The following DLG2 variants were observed in gnomAD, a reference collection of about 807,000 sequenced individuals.
The protein encoded by DLG2 is disks large homolog 2.
A neutral mutation model predicts 132.5 loss-of-function variants in DLG2; 45 were observed. The ratio of observed to expected loss-of-function variants is 0.34; its 90% CI spans 0.27 to 0.44. The LOEUF is 0.44. DLG2 is among the 20% of genes least tolerant of loss of function. The probability of loss-of-function intolerance (pLI) is 1.00; values close to 1 mark genes in which losing one functional copy is unlikely to be tolerated. For missense variants in DLG2, 1,045 were observed against 1,196.9 expected, an observed-to-expected ratio of 0.87 and a Z score of 1.87; for synonymous variants, 424 against 419.6, an observed-to-expected ratio of 1.01 and a Z score of -0.13.
intron 9 of DLG2, among the ~76,000 whole-genome samples, chr11:84,127,817 C>T (rs1362683783): frequency 1.3e-5 from 2 of 152,076 alleles, no homozygotes; most frequent in Non-Finnish European, 2.9e-5. Context: ...AAGAAACAGT[C>T]CTTATTGGAT....
At chr11:84,286,350 A>AG in intron 7 of DLG2, among the ~76,000 whole-genome samples, 1 of 152,222 alleles carries the variant, frequency 6.6e-6, no homozygotes, top group East Asian at 1.9e-4. Flanking sequence ...TAGGAGTGCA[A>AG]GGGGGTAAAA....
chr11:85,314,968 A>G (rs1287639898), intron 3 of DLG2, among the ~76,000 whole-genome samples: 1 of 151,928 alleles, frequency 6.6e-6, no homozygotes, highest in East Asian at 1.9e-4. Flanking sequence ...GCTCTGTGTC[A>G]TTTCATCTAA....
At chr11:83,516,090 C>A (rs568533576) in intron 21 of DLG2, among the ~76,000 whole-genome samples, 13 of 152,282 alleles carry the variant, frequency 8.5e-5, no homozygotes, top group Non-Finnish European at 1.8e-4. Context: ...TGTTAATTTT[C>A]TGTCCCTTTG....
chr11:85,143,430 CTT>C (rs2076629956), intron 5 of DLG2, among the ~76,000 whole-genome samples: 1 of 151,588 alleles, frequency 6.6e-6, no homozygotes, highest in Admixed American at 6.6e-5. Context: ...TGTCTTCTCT[CTT>C]TTGTTCTCAG....
intron 7 of DLG2, among the ~76,000 whole-genome samples, chr11:84,376,440 T>C (rs1381975037): frequency 2.0e-5 from 3 of 151,870 alleles, no homozygotes; most frequent in African/African-American, 7.2e-5. Flanking sequence ...TTAAAAATAA[T>C]GACATCACTA....
intron 9 of DLG2, among the ~76,000 whole-genome samples, chr11:84,159,683 T>G (rs979829109): frequency 3.3e-5 from 5 of 152,182 alleles, no homozygotes; most frequent in African/African-American, 4.8e-5. Flanking sequence ...ATAAGTGGTA[T>G]GATCTGGCTT....
chr11:83,847,980 T>C (rs1340226334), intron 16 of DLG2, among the ~76,000 whole-genome samples: 1 of 152,196 alleles, frequency 6.6e-6, no homozygotes, highest in Non-Finnish European at 1.5e-5. Flanking sequence ...TAGTAAGCAC[T>C]TGAAGTGTGG....
chr11:85,541,561 A>T (rs1284114794), intron 3 of DLG2, among the ~76,000 whole-genome samples: 1 of 151,784 alleles, frequency 6.6e-6, no homozygotes, highest in Admixed American at 6.6e-5. Flanking sequence ...AATGACTTAG[A>T]AAACATCTCC....
At chr11:84,009,907 G>T (rs889717066) in intron 11 of DLG2, among the ~76,000 whole-genome samples, 2 of 151,918 alleles carry the variant, frequency 1.3e-5, no homozygotes. Context: ...TTTTCTTAAG[G>T]TCAATGATTT....
At chr11:84,940,541 T>G (rs1356500159) in intron 6 of DLG2, among the ~76,000 whole-genome samples, 1 of 152,254 alleles carries the variant, frequency 6.6e-6, no homozygotes, top group Non-Finnish European at 1.5e-5. Context: ...AAATGTGTAT[T>G]GAGATCTTTT....
At chr11:84,806,482 C>A (rs2076016337) in intron 6 of DLG2, among the ~76,000 whole-genome samples, 1 of 152,052 alleles carries the variant, frequency 6.6e-6, no homozygotes, top group South Asian at 2.1e-4. Flanking sequence ...TGAATGACAG[C>A]AGATTTCTCA....
At chr11:84,818,108 C>T (rs1013959826) in intron 6 of DLG2, among the ~76,000 whole-genome samples, 2 of 152,000 alleles carry the variant, frequency 1.3e-5, no homozygotes, top group Non-Finnish European at 2.9e-5. Flanking sequence ...TATTTCTATA[C>T]TATTTCATAA....
intron 4 of DLG2, among the ~76,000 whole-genome samples, chr11:85,272,124 TC>T (rs2077570403): frequency 6.6e-6 from 1 of 152,160 alleles, no homozygotes; most frequent in Non-Finnish European, 1.5e-5. Flanking sequence ...GGCAGGTCTT[TC>T]CCATGCTATT....
chr11:84,967,043 AGAATT>A (rs1292828774), intron 6 of DLG2, among the ~76,000 whole-genome samples: 3 of 152,176 alleles, frequency 2.0e-5, no homozygotes, highest in Admixed American at 2.0e-4. Context: ...ATAGGCAACT[AGAATT>A]ACACATTGGT....
intron 18 of DLG2, among the ~76,000 whole-genome samples, chr11:83,748,224 C>A (rs539150231): frequency 1.3e-5 from 2 of 152,206 alleles, no homozygotes; most frequent in African/African-American, 4.8e-5. Context: ...TTACACTTGA[C>A]ATGTTCTCCC....
intron 17 of DLG2, among the ~76,000 whole-genome samples, chr11:83,828,393 AAAT>A (rs2053505498): frequency 6.6e-6 from 1 of 152,192 alleles, no homozygotes; most frequent in Non-Finnish European, 1.5e-5. Flanking sequence ...ACTCCGTCAC[AAAT>A]AATAATAACA....
At chr11:84,875,787 A>T (rs908172424) in intron 6 of DLG2, among the ~76,000 whole-genome samples, 2 of 151,936 alleles carry the variant, frequency 1.3e-5, no homozygotes, top group Admixed American at 6.6e-5. Flanking sequence ...CCCAGGCTGG[A>T]GTACAGTGGT....
chr11:84,946,465 A>G (rs564832171), intron 6 of DLG2, among the ~76,000 whole-genome samples: 1 of 152,178 alleles, frequency 6.6e-6, no homozygotes, highest in African/African-American at 2.4e-5. Context: ...CCTTCAAGGC[A>G]GCAGGTTCCT....
chr11:84,221,427 G>A (rs886544093), intron 8 of DLG2, among the ~76,000 whole-genome samples: 22 of 152,032 alleles, frequency 1.4e-4, no homozygotes, highest in Non-Finnish European at 2.4e-4. Context: ...TCGCACCACT[G>A]CACTCCAGTC....
Sources: gnomAD v4.1 joint callset for allele counts (sites outside exome capture counted in the v4.1 genomes callset) on GRCh38, gnomAD v4.1.1 for gene constraint, MANE v1.5 for transcripts, NCBI Gene and HGNC (gene_info 2026-07-23, HGNC 2026-07-21) for gene names.